Variants in ZMYM4 observed in about 807,000 individuals in gnomAD.
ZMYM4 encodes zinc finger MYM-type containing 4.
A neutral mutation model predicts 183.2 loss-of-function variants in ZMYM4; 31 were observed. The ratio of observed to expected loss-of-function variants is 0.17; its 90% confidence interval spans 0.13 to 0.23. The LOEUF (loss-of-function observed/expected upper bound fraction) is 0.23, where lower values mean the gene tolerates loss of function less well. Among genes scored for constraint, ZMYM4 ranks in the 10% least tolerant of loss-of-function variants. The pLI is 1.00. For synonymous variants in ZMYM4, 592 were observed against 631.2 expected, an observed-to-expected ratio of 0.94 and a Z score of 0.93; for missense variants, 1,273 against 1,840.3, an observed-to-expected ratio of 0.69 and a Z score of 5.64.
Position 35,419,684 on chromosome 1 carries a change from A to C in ZMYM4, c.*7A>C, listed in dbSNP as rs766344468. On this transcript the variant is annotated 3_prime_UTR_variant, in exon 30 of 30. Coordinates refer to ENST00000314607, the MANE Select transcript of ZMYM4 (RefSeq NM_005095.3). Reference sequence around the variant, plus strand: ...TGTTGAATTATCAGATTAAAACGGAAGTGAGGTTCTTATTTTCATACATAT... The same window carrying C: ...TGTTGAATTATCAGATTAAAACGGACGTGAGGTTCTTATTTTCATACATAT... 8.1e-6 allele frequency: 13 copies of C among 1,614,038 alleles called. No individual in the cohort carries two copies. Among genetic ancestry groups the C allele is most frequent in the African/African-American group, 8.0e-5 (6 of 75,046 alleles).
At position 35,343,764 on chromosome 1, in the gene ZMYM4, C is replaced by G. The variant is rs561391879; in HGVS notation, c.86-15161C>G. ...CCTGTAATCCCAGCTACTCGGGAGG[C>G]TGAGGCAGACAATTGCTTGCACCCG... On this transcript the variant is annotated intron_variant, in intron 2 of 29. Transcript: ENST00000314607. 3.3e-5 allele frequency among the ~76,000 whole-genome samples: 5 copies of G among 151,908 alleles called. No homozygotes were observed. In the East Asian group the frequency reaches 9.9e-4, roughly 30 times the overall value.
intron 7 of ZMYM4, among the ~76,000 whole-genome samples, chr1:35,379,154 G>A (rs1221018281): frequency 6.6e-6 from 1 of 152,142 alleles, no homozygotes; most frequent in Non-Finnish European, 1.5e-5. Flanking sequence ...AGGCTTGAGT[G>A]CAGTGGCGCA....
At chr1:35,286,100 ACTATCT>A (rs1415434136) in intron 1 of ZMYM4, among the ~76,000 whole-genome samples, 2 of 152,172 alleles carry the variant, frequency 1.3e-5, no homozygotes, top group African/African-American at 4.8e-5. Context: ...AAGAAGTAAA[ACTATCT>A]CTATTTAAAG....
At chr1:35,349,564 A>T (rs1235887635) in intron 2 of ZMYM4, among the ~76,000 whole-genome samples, 1 of 152,160 alleles carries the variant, frequency 6.6e-6, no homozygotes, top group Non-Finnish European at 1.5e-5. Context: ...GCGGTGGCTC[A>T]TGCCTGTAAT....
At chr1:35,351,720 G>T in intron 2 of ZMYM4, 1 of 404,768 alleles carries the variant, frequency 2.5e-6, no homozygotes, top group South Asian at 3.4e-5. Flanking sequence ...TGTGCAGGAG[G>T]AATATGTTAG....
chr1:35,359,345 A>G lies in ZMYM4; in HGVS notation c.506A>G (p.Lys169Arg), dbSNP rs755057351. 6.2e-7 allele frequency: 1 copy of G among 1,610,612 alleles called. No homozygotes were observed. Among genetic ancestry groups the G allele is most frequent in the Non-Finnish European group, 8.5e-7 (1 of 1,178,978 alleles). Residue 169 changes from lysine (K) to arginine (R), a missense_variant, in exon 3 of 30, where the codon AAG becomes AGG. Around this residue, in one of 6 missense-constraint regions of ZMYM4, gnomAD observed 384 missense variants for 465.6 expected, o/e 0.82. Coordinates refer to ENST00000314607, the MANE Select transcript of ZMYM4 (RefSeq NM_005095.3). ...AACAGCAAAGAGACATTTTCTGGAA[A>G]GGAGAAAAATAGAGACCTAACTTAT... The part of the protein sequence containing the change: ...RENSKETFSG[K>R]EKNRDLTYER...
intron 26 of ZMYM4, among the ~76,000 whole-genome samples, chr1:35,412,570 A>G (rs1639957041): frequency 6.6e-6 from 1 of 152,160 alleles, no homozygotes; most frequent in African/African-American, 2.4e-5. Context: ...TCACTTCTGC[A>G]TAATGGAATT....
rs756706528 is a variant in ZMYM4, at chr1:35,399,544, C to T, written c.3496C>T (p.His1166Tyr). Reference sequence around the variant, plus strand: ...GGCACGTTCCCGAACAAGACGACGACACAGAGATGGCTTCCCCCAACCCAG... The same window carrying T: ...GGCACGTTCCCGAACAAGACGACGATACAGAGATGGCTTCCCCCAACCCAG... ...IQARSRTRRR[H>Y]RDGFPQPRRR... The change falls in exon 23 of 30, where the codon CAC becomes TAC. Residue 1166 changes from histidine to tyrosine, a missense_variant. Physicochemically the swap from His to Tyr is moderately conservative, Grantham distance 83. Around this residue, in one of 6 missense-constraint regions of ZMYM4, gnomAD observed 133 missense variants for 155.7 expected, o/e 0.85. Coordinates refer to ENST00000314607, the MANE Select transcript of ZMYM4 (RefSeq NM_005095.3). 6.2e-7 allele frequency: 1 copy of T among 1,614,146 alleles called. No homozygotes were observed. The highest frequency in any genetic ancestry group is 1.1e-5 in the South Asian group (1 of 91,082).
chr1:35,339,258 G>A (rs1185105459), intron 2 of ZMYM4, among the ~76,000 whole-genome samples: 4 of 150,836 alleles, frequency 2.7e-5, no homozygotes, highest in Non-Finnish European at 4.4e-5. Context: ...TTTTAAGATG[G>A]CGTTTCACTC....
At chr1:35,307,536 A>ATTT (rs202140559) in intron 1 of ZMYM4, among the ~76,000 whole-genome samples, 5 of 146,592 alleles carry the variant, frequency 3.4e-5, no homozygotes, top group Middle Eastern at 3.6e-3. Context: ...TATTATTATT[A>ATTT]TTATTATTTT....
At chr1:35,388,196 T>A (rs1440357264) in intron 13 of ZMYM4, among the ~76,000 whole-genome samples, 1 of 151,982 alleles carries the variant, frequency 6.6e-6, no homozygotes, top group Non-Finnish European at 1.5e-5. Context: ...TAAATAAAAG[T>A]TTTTTTTGTT....
intron 2 of ZMYM4, among the ~76,000 whole-genome samples, chr1:35,342,926 C>T (rs1388045683): frequency 6.6e-6 from 1 of 152,108 alleles, no homozygotes; most frequent in Non-Finnish European, 1.5e-5. Flanking sequence ...AAGCGACCTG[C>T]CCGCCTCAGC....
intron 2 of ZMYM4, among the ~76,000 whole-genome samples, chr1:35,332,017 A>C (rs1389922884): frequency 6.6e-6 from 1 of 151,972 alleles, no homozygotes; most frequent in Non-Finnish European, 1.5e-5. Context: ...AGAGAAAAAA[A>C]TAGAATTTTG....
intron 1 of ZMYM4, among the ~76,000 whole-genome samples, chr1:35,303,408 T>TTTTGTTTG (rs543398822): frequency 6.6e-6 from 1 of 152,090 alleles, no homozygotes; most frequent in Non-Finnish European, 1.5e-5. Flanking sequence ...AATTTGTGTT[T>TTTTGTTTG]TTTGTTTGTT....
chr1:35,314,624 G>T (rs1332592907), intron 1 of ZMYM4, among the ~76,000 whole-genome samples: 2 of 144,756 alleles, frequency 1.4e-5, no homozygotes, highest in Admixed American at 6.9e-5. Context: ...TTTTATACTT[G>T]CAGATTGAAA....
intron 26 of ZMYM4, 26 bp from the exon 27 acceptor site, chr1:35,413,946 T>G (rs1329600472): frequency 1.6e-6 from 2 of 1,250,836 alleles, no homozygotes; most frequent in Admixed American, 2.4e-5. Flanking sequence ...TATCAACATG[T>G]ATATTTTCTT....
At chr1:35,307,404 C>T (rs982909835) in intron 1 of ZMYM4, among the ~76,000 whole-genome samples, 2 of 151,578 alleles carry the variant, frequency 1.3e-5, no homozygotes, top group African/African-American at 4.9e-5. Flanking sequence ...ACATGGGTAC[C>T]CTTGGACAAA....
At chr1:35,310,737 C>T (rs545177262) in intron 1 of ZMYM4, among the ~76,000 whole-genome samples, 7 of 152,136 alleles carry the variant, frequency 4.6e-5, no homozygotes, top group East Asian at 1.9e-4. Context: ...CACCATCACA[C>T]GCAGCTAATT....
At chr1:35,370,143 T>C in intron 6 of ZMYM4, 30 bp downstream of exon 6, 1 of 1,604,210 alleles carries the variant, frequency 6.2e-7, no homozygotes. Flanking sequence ...AAATGGATTG[T>C]GTATGTTCTG....
Sources: allele counts gnomAD v4.1 joint callset (sites outside exome capture counted in the v4.1 genomes callset), GRCh38; gene constraint gnomAD v4.1.1; regional missense constraint gnomAD v4.1.1; transcripts MANE v1.5; gene names NCBI Gene and HGNC (gene_info 2026-07-23, HGNC 2026-07-21).